The following FBN1 variants were observed in gnomAD, a reference collection of about 807,000 sequenced individuals.
FBN1 encodes fibrillin-1.
In FBN1, 29 loss-of-function variants were observed where a neutral mutation model predicts 365.1. The observed-to-expected ratio is 0.08, with a 90% confidence interval of 0.06 to 0.11. The LOEUF (loss-of-function observed/expected upper bound fraction) is 0.11. Among genes scored for constraint, FBN1 ranks in the 10% least tolerant of loss-of-function variants. The probability of loss-of-function intolerance (pLI) is 1.00; values close to 1 mark genes in which losing one functional copy is unlikely to be tolerated. For synonymous variants in FBN1, 1,210 were observed against 1,270.5 expected (o/e 0.95, Z 1.01); for missense variants, 2,476 against 3,703.2 (o/e 0.67, Z 8.60).
chr15:48,568,206 T>C (rs956210048), intron 6 of FBN1, among the ~76,000 whole-genome samples: 1 of 146,696 alleles, frequency 6.8e-6, no homozygotes, highest in Middle Eastern at 3.3e-3. Context: ...AGAGCAGTCA[T>C]AGTTTTATAT....
chr15:48,456,620 G>T lies in FBN1; in HGVS notation c.5422+17C>A. ...TTAGCTCTTTTCTGGATATGATAAA[G>T]TCATGATGCCACTTACCTTCACAAA... On this transcript the variant is annotated intron_variant, in intron 44 of 65. Coordinates refer to ENST00000316623, the MANE Select transcript of FBN1 (RefSeq NM_000138.5). 1 of 1,612,740 alleles carries T rather than the reference G, an allele frequency of 6.2e-7. No homozygotes were observed. The highest frequency in any genetic ancestry group is 8.5e-7 in the Non-Finnish European group (1 of 1,179,424).
intron 6 of FBN1, among the ~76,000 whole-genome samples, chr15:48,578,531 T>C (rs1042648182): frequency 2.0e-5 from 3 of 152,074 alleles, no homozygotes; most frequent in African/African-American, 7.2e-5. Context: ...ATATACCCAG[T>C]AATGGGATGG....
intron 61 of FBN1, 31 bp downstream of exon 61, chr15:48,421,921 T>A: frequency 6.8e-7 from 1 of 1,476,306 alleles, no homozygotes. Flanking sequence ...ATCGCTACAA[T>A]CCATGTAGGA....
At chr15:48,640,579 G>T (rs1055839940) in intron 2 of FBN1, among the ~76,000 whole-genome samples, 4 of 152,086 alleles carry the variant, frequency 2.6e-5, no homozygotes, top group African/African-American at 9.7e-5. Flanking sequence ...AATCTACCAT[G>T]GGTATGAACT....
chr15:48,565,627 A>G (rs1285457706), intron 6 of FBN1, among the ~76,000 whole-genome samples: 2 of 94,174 alleles, frequency 2.1e-5, no homozygotes, highest in African/African-American at 1.1e-4. Context: ...CAATGTGATA[A>G]AAAAAAAAAA....
chr15:48,480,088 G>A (rs1184216712), intron 32 of FBN1, among the ~76,000 whole-genome samples: 1 of 152,032 alleles, frequency 6.6e-6, no homozygotes, highest in Non-Finnish European at 1.5e-5. Flanking sequence ...TCAGGGTAAG[G>A]CCTAAAATAA....
intron 2 of FBN1, among the ~76,000 whole-genome samples, chr15:48,638,514 T>C (rs1250498877): frequency 6.6e-6 from 1 of 152,234 alleles, no homozygotes; most frequent in East Asian, 1.9e-4. Flanking sequence ...CCCTTGTTTC[T>C]TCATTTGTTA....
intron 2 of FBN1, among the ~76,000 whole-genome samples, chr15:48,634,532 G>C (rs1217818792): frequency 6.6e-6 from 1 of 151,990 alleles, no homozygotes; most frequent in Non-Finnish European, 1.5e-5. Flanking sequence ...CCTTCTCCCA[G>C]CTCTCTCCTC....
At chr15:48,549,751 AC>A (rs1172451516) in intron 6 of FBN1, among the ~76,000 whole-genome samples, 1 of 152,090 alleles carries the variant, frequency 6.6e-6, no homozygotes, top group African/African-American at 2.4e-5. Flanking sequence ...TACTTAGATA[AC>A]TTACTCTGAT....
chr15:48,487,579 C>A, intron 27 of FBN1, 142 bp from the exon 28 acceptor site: 2 of 1,191,480 alleles, frequency 1.7e-6, no homozygotes, highest in Non-Finnish European at 1.2e-6. Context: ...TATTCATACA[C>A]CAGATCTCCC....
At chr15:48,452,971 A>C (rs1239853997) in intron 44 of FBN1, among the ~76,000 whole-genome samples, 1 of 152,188 alleles carries the variant, frequency 6.6e-6, no homozygotes, top group Non-Finnish European at 1.5e-5. Context: ...AGAAAATTAA[A>C]TATGGCCAGG....
chr15:48,434,632 T>A lies in FBN1; in HGVS notation c.6578A>T (p.Glu2193Val). 1 of 1,613,854 alleles carries A rather than the reference T, an allele frequency of 6.2e-7. No individual in the cohort carries two copies. The highest frequency in any genetic ancestry group is 1.3e-5 in the African/African-American group (1 of 75,028). The stretch of plus-strand genomic sequence containing the variant: ...CATTGGACCGGGCTCAAATCCCTCC[T>A]CGCAGGTGCATTCAAAACCTCCAAT... ...NVIGGFECTC[E>V]EGFEPGPMMT... Residue 2193 changes from glutamate (E) to valine (V), a missense_variant, in exon 54 of 66, where the codon GAG (glutamate) becomes GTG (valine). Glu to Val is a moderately radical substitution (Grantham distance 121). Around this residue, in one of 5 missense-constraint regions of FBN1, gnomAD observed 1,780 missense variants for 2,840.8 expected, o/e 0.63. Transcript: ENST00000316623.
At chr15:48,573,695 T>A (rs1458607024) in intron 6 of FBN1, among the ~76,000 whole-genome samples, 21 of 152,222 alleles carry the variant, frequency 1.4e-4, no homozygotes, top group Non-Finnish European at 4.4e-5. Context: ...AAGTCTGTCA[T>A]GTTCCCTTTA....
intron 6 of FBN1, among the ~76,000 whole-genome samples, chr15:48,566,378 T>A (rs1052637444): frequency 2.0e-5 from 3 of 152,242 alleles, no homozygotes; most frequent in African/African-American, 7.2e-5. Context: ...TATAAACACC[T>A]ATTTTACTTG....
intron 6 of FBN1, among the ~76,000 whole-genome samples, chr15:48,547,446 A>G (rs1404763604): frequency 6.6e-6 from 1 of 152,180 alleles, no homozygotes; most frequent in Non-Finnish European, 1.5e-5. Context: ...TCTACAGGAA[A>G]TGGAGACACA....
chr15:48,492,651 CAT>C (rs2043571337), intron 23 of FBN1, 65 bp from the exon 24 acceptor site: 2 of 1,238,314 alleles, frequency 1.6e-6, no homozygotes, highest in Non-Finnish European at 2.3e-6. Flanking sequence ...TTATTCTACT[CAT>C]AGAGTCATAA....
intron 6 of FBN1, among the ~76,000 whole-genome samples, chr15:48,568,523 G>A (rs2044278921): frequency 6.6e-6 from 1 of 152,002 alleles, no homozygotes; most frequent in South Asian, 2.1e-4. Context: ...AATTTATATG[G>A]AAATGCAAAG....
chr15:48,409,573 A>G lies in FBN1; in HGVS notation c.*1417T>C, dbSNP rs1218018799. 6.6e-6 allele frequency: 1 copy of G among 152,192 alleles called. No individual in the cohort carries two copies. The highest frequency in any genetic ancestry group is 1.5e-5 in the Non-Finnish European group (1 of 68,032). 9.4% of individuals were successfully genotyped at this position (152,192 alleles called of 1,614,324 possible). ...TAAAACAGACTTTAAAAATTATGACATTAAGAAACCAAAAGTTACAGCAAT... is the reference window on the plus strand; with the variant it reads ...TAAAACAGACTTTAAAAATTATGACGTTAAGAAACCAAAAGTTACAGCAAT... On this transcript the variant is annotated 3_prime_UTR_variant, in exon 66 of 66. Coordinates refer to ENST00000316623, the MANE Select transcript of FBN1 (RefSeq NM_000138.5).
chr15:48,469,308 G>A (rs1224810858), intron 36 of FBN1, among the ~76,000 whole-genome samples: 1 of 151,872 alleles, frequency 6.6e-6, no homozygotes, highest in Non-Finnish European at 1.5e-5. Context: ...GATGTCCCAG[G>A]AAACCCTCAG....
Sources: allele counts gnomAD v4.1 joint callset (sites outside exome capture counted in the v4.1 genomes callset), GRCh38; gene constraint gnomAD v4.1.1; regional missense constraint gnomAD v4.1.1; transcripts MANE v1.5; gene names NCBI Gene and HGNC (gene_info 2026-07-23, HGNC 2026-07-21).